ARHGAP32: variants seen among roughly 807,000 people sequenced by gnomAD.
The protein encoded by ARHGAP32 is Rho GTPase activating protein 32, also known as rho GTPase-activating protein 32.
Under a neutral mutation model 186.5 loss-of-function variants are expected in ARHGAP32, and 51 were observed. The observed-to-expected ratio is 0.27, with a 90% CI of 0.22 to 0.35. The LOEUF is 0.35. Among genes scored for constraint, ARHGAP32 ranks in the 10% least tolerant of loss-of-function variants. ARHGAP32 has a pLI of 1.00. For missense variants in ARHGAP32, 2,186 were observed against 2,623.5 expected (o/e 0.83, Z 3.64); for synonymous variants, 950 against 964.3 (o/e 0.99, Z 0.27).
At position 128,973,005 on chromosome 11, in the gene ARHGAP32, A is replaced by C; in HGVS notation, c.3501T>G (p.His1167Gln). Residue 1167 changes from histidine (H) to glutamine (Q), a missense_variant, in exon 22 of 23, where the codon CAT (histidine) becomes CAG (glutamine). Physicochemically the swap from His to Gln is conservative, Grantham distance 24. This residue lies in a region of ARHGAP32 where 1,502 missense variants were observed against 1,570.0 expected (regional missense o/e 0.96). Transcript: ENST00000682385. ...CTGGGTCCCCAGATAAATATGCTTG[A>C]TGTGGCTGATTCCCTGTTAAGTCTA... is the stretch of plus-strand genomic sequence containing the variant. ...HQVDLTGNQP[H>Q]QAYLSGDPEK... is the part of the protein sequence containing the mutation. 6.2e-7 allele frequency: 1 copy of C among 1,614,042 alleles called. No homozygotes were observed. The highest frequency in any genetic ancestry group is 8.5e-7 in the Non-Finnish European group (1 of 1,180,000).
chr11:129,177,105 A>G (rs931794424), intron 1 of ARHGAP32, among the ~76,000 whole-genome samples: 5 of 151,700 alleles, frequency 3.3e-5, no homozygotes, highest in Admixed American at 1.3e-4. Flanking sequence ...TAAAGGGGAT[A>G]TCACCACCGA....
chr11:129,243,480 A>T (rs1241250483), intron 1 of ARHGAP32, among the ~76,000 whole-genome samples: 1 of 152,224 alleles, frequency 6.6e-6, no homozygotes, highest in African/African-American at 2.4e-5. Flanking sequence ...TCTGAATAAT[A>T]AGTGGAAAAA....
chr11:129,117,614 T>C lies in ARHGAP32; in HGVS notation c.444+5832A>G, dbSNP rs186866606. Among the ~76,000 whole-genome samples the C allele has an allele frequency of 2.0e-3, 306 of 152,108 alleles. 3 individuals carry two copies. The highest frequency in any genetic ancestry group is 1.8e-3 in the Non-Finnish European group (119 of 67,930). ...GAGACACAGATATTAAATTCATACT[T>C]TTCCTATTCCTTATTTATACAAAAA... is the stretch of plus-strand genomic sequence containing the variant. On this transcript the variant is annotated intron_variant, in intron 5 of 22. Coordinates refer to ENST00000682385, the MANE Select transcript of ARHGAP32 (RefSeq NM_001378024.1).
chr11:129,140,446 C>A (rs116161061), intron 2 of ARHGAP32, among the ~76,000 whole-genome samples: 39 of 152,186 alleles, frequency 2.6e-4, no homozygotes, highest in Non-Finnish European at 4.1e-4. Context: ...ATTTCTTATA[C>A]ATATTCAACA....
At chr11:129,138,750 C>T (rs527943411) in intron 2 of ARHGAP32, among the ~76,000 whole-genome samples, 84 of 152,282 alleles carry the variant, frequency 5.5e-4, no homozygotes, top group South Asian at 8.3e-4. Context: ...ACTATAAACT[C>T]CATACTGACA....
In ARHGAP32 at chr11:128,978,845, A is replaced by AT; in HGVS notation, c.2046dup (p.Ser683IlefsTer6). The stretch of plus-strand genomic sequence containing the variant: ...AGCTTTCGTTTAGAAACAGATGATG[A>AT]TTTCCCCAAGTTGAAAAAGGAACGC... On this transcript the variant is annotated frameshift_variant, in exon 19 of 23. Coordinates refer to ENST00000682385, the MANE Select transcript of ARHGAP32 (RefSeq NM_001378024.1). LOFTEE classifies it high-confidence loss of function. 6.2e-7 allele frequency: 1 copy of AT among 1,612,982 alleles called. No individual in the cohort carries two copies. The highest frequency in any genetic ancestry group is 8.5e-7 in the Non-Finnish European group (1 of 1,179,556).
chr11:129,266,440 C>T (rs1213700303), intron 1 of ARHGAP32, among the ~76,000 whole-genome samples: 1 of 152,080 alleles, frequency 6.6e-6, no homozygotes, highest in East Asian at 1.9e-4. Flanking sequence ...ATAGGTCATC[C>T]TGCTGGAAAA....
chr11:129,055,929 A>G (rs1211032516), intron 10 of ARHGAP32, among the ~76,000 whole-genome samples: 1 of 152,258 alleles, frequency 6.6e-6, no homozygotes, highest in African/African-American at 2.4e-5. Flanking sequence ...AGTTAATAAT[A>G]GTATATCAAT....
intron 19 of ARHGAP32, among the ~76,000 whole-genome samples, chr11:128,977,403 T>C (rs796279306): frequency 7.2e-5 from 11 of 152,312 alleles, no homozygotes; most frequent in African/African-American, 2.6e-4. Context: ...ATCTCTTTTT[T>C]TCTCTGCCTA....
intron 1 of ARHGAP32, among the ~76,000 whole-genome samples, chr11:129,276,973 G>A (rs1235662930): frequency 2.6e-5 from 4 of 152,146 alleles, no homozygotes; most frequent in African/African-American, 9.7e-5. Flanking sequence ...TCACAATCAT[G>A]GGTTAAATCC....
chr11:129,179,232 A>G (rs1943993228), intron 1 of ARHGAP32, among the ~76,000 whole-genome samples: 1 of 152,214 alleles, frequency 6.6e-6, no homozygotes, highest in Non-Finnish European at 1.5e-5. Flanking sequence ...TACAAATCAA[A>G]ACCACAGTGA....
chr11:128,969,621 C>T lies in ARHGAP32; in HGVS notation c.5592G>A (p.Pro1864=), dbSNP rs748172466. 65 of 1,613,946 alleles carry T rather than the reference C, an allele frequency of 4.0e-5. No individual in the cohort carries two copies. Among genetic ancestry groups the T allele is most frequent in the Non-Finnish European group, 5.0e-5 (59 of 1,180,034 alleles). ...GCTTCTGAGGCAGGGATGGCTTCTC[C>T]GGCTGCGTGCTACCATGGCCTCCGT... ...HHHGGHGSTQ[P]EKPSLPQKQS... Residue 1864 remains proline, a synonymous_variant, in exon 23 of 23, where the codon CCG becomes CCA. Coordinates refer to ENST00000682385, the MANE Select transcript of ARHGAP32 (RefSeq NM_001378024.1). The surrounding 1 kb of genome is among the most constrained non-coding windows in gnomAD (Gnocchi z 4.8).
intron 12 of ARHGAP32, among the ~76,000 whole-genome samples, chr11:128,995,571 G>A (rs1565364509): frequency 6.6e-6 from 1 of 152,250 alleles, no homozygotes; most frequent in African/African-American, 2.4e-5. Context: ...GGGTGTGGTG[G>A]CTCACGCCTG....
At chr11:129,119,276 C>A (rs925781450) in intron 5 of ARHGAP32, among the ~76,000 whole-genome samples, 1 of 151,982 alleles carries the variant, frequency 6.6e-6, no homozygotes, top group African/African-American at 2.4e-5. Context: ...TTCTACACCA[C>A]ACCAGCACCT....
intron 2 of ARHGAP32, among the ~76,000 whole-genome samples, chr11:129,128,255 A>G: frequency 6.6e-6 from 1 of 152,154 alleles, no homozygotes; most frequent in South Asian, 2.1e-4. Flanking sequence ...TCATCTTTTA[A>G]TGCAAATTGC....
intron 11 of ARHGAP32, among the ~76,000 whole-genome samples, chr11:129,033,806 T>C (rs1363192396): frequency 6.6e-6 from 1 of 152,198 alleles, no homozygotes; most frequent in East Asian, 1.9e-4. Context: ...GATGTCCAGC[T>C]GACTCAGTAC....
chr11:129,106,293 C>A (rs1017653531), intron 5 of ARHGAP32, among the ~76,000 whole-genome samples: 1 of 152,062 alleles, frequency 6.6e-6, no homozygotes, highest in Non-Finnish European at 1.5e-5. Flanking sequence ...CAAAAGTGAG[C>A]TAGATAAAGA....
At chr11:129,213,950 C>T (rs1218701882) in intron 1 of ARHGAP32, among the ~76,000 whole-genome samples, 4 of 151,844 alleles carry the variant, frequency 2.6e-5, no homozygotes, top group African/African-American at 9.7e-5. Flanking sequence ...GTTTTGTTTT[C>T]TTATACCTCA....
At chr11:129,216,627 C>T (rs556648446) in intron 1 of ARHGAP32, among the ~76,000 whole-genome samples, 127 of 146,718 alleles carry the variant, frequency 8.7e-4, no homozygotes, top group Non-Finnish European at 1.4e-3. Flanking sequence ...GCCAAGATTG[C>T]GCCACTGCAC....
Sources: allele counts gnomAD v4.1 joint callset (sites outside exome capture counted in the v4.1 genomes callset), GRCh38; gene constraint gnomAD v4.1.1; regional missense constraint gnomAD v4.1.1; non-coding constraint Gnocchi (gnomAD v3.1); transcripts MANE v1.5; gene names NCBI Gene and HGNC (gene_info 2026-07-23, HGNC 2026-07-21).